The following TSC22D1 variants were observed in gnomAD, a reference collection of about 807,000 sequenced individuals.
The protein encoded by TSC22D1 is TSC22 domain family protein 1.
TSC22D1 carries 9 observed loss-of-function variants against 74.2 expected under a neutral mutation model. The observed-to-expected ratio is 0.12, with a 90% CI of 0.07 to 0.21. TSC22D1 has a LOEUF of 0.21. Ranked by LOEUF, TSC22D1 falls within the 10% of genes least tolerant of loss-of-function variation. The probability of loss-of-function intolerance (pLI) is 1.00; values close to 1 mark genes in which losing one functional copy is unlikely to be tolerated. For synonymous variants in TSC22D1, 586 were observed against 492.5 expected (o/e 1.19, Z -2.51); for missense variants, 1,427 against 1,304.7 (o/e 1.09, Z -1.44).
chr13:44,452,993 C>T (rs1247009529), intron 1 of TSC22D1, among the ~76,000 whole-genome samples: 1 of 152,174 alleles, frequency 6.6e-6, no homozygotes, highest in Non-Finnish European at 1.5e-5. Flanking sequence ...CCATGTTTCA[C>T]CTGGCTCTGA....
intron 1 of TSC22D1, among the ~76,000 whole-genome samples, chr13:44,534,820 T>C (rs766506399): frequency 4.6e-5 from 7 of 152,142 alleles, no homozygotes; most frequent in South Asian, 2.1e-4. Flanking sequence ...CAAAAGGAGA[T>C]TGTACTTTCC....
chr13:44,574,955 A>G lies in TSC22D1; in HGVS notation c.1120T>C (p.Ser374Pro). Reference sequence around the variant, plus strand: ...GGAACACTGCTAACAGCAGCAGAGGAAGAAATAGTACCATTGCCCATGCCA... The same window carrying G: ...GGAACACTGCTAACAGCAGCAGAGGGAGAAATAGTACCATTGCCCATGCCA... ...LSGMGNGTIS[S>P]SAAVSSVPNA... Residue 374 changes from serine to proline, a missense_variant, in exon 1 of 3, where the codon TCC becomes CCC. Physicochemically the swap from Ser to Pro is moderately conservative, Grantham distance 74 (BLOSUM62 -1). This residue lies in a region of TSC22D1 where 1,343 missense variants were observed against 1,191.5 expected (regional missense o/e 1.13). Coordinates refer to ENST00000458659, the MANE Select transcript of TSC22D1 (RefSeq NM_183422.4). 2 of 1,614,096 alleles carry G rather than the reference A, an allele frequency of 1.2e-6. No homozygotes were observed. Among genetic ancestry groups the G allele is most frequent in the Non-Finnish European group, 8.5e-7 (1 of 1,180,016 alleles).
intron 1 of TSC22D1, among the ~76,000 whole-genome samples, chr13:44,453,129 AAACT>A (rs1876286012): frequency 6.6e-6 from 1 of 152,222 alleles, no homozygotes; most frequent in Non-Finnish European, 1.5e-5. Context: ...TTATCTCAGC[AAACT>A]AGTTTGCCTC....
At chr13:44,446,621 T>C (rs1875663249) in intron 1 of TSC22D1, among the ~76,000 whole-genome samples, 1 of 151,980 alleles carries the variant, frequency 6.6e-6, no homozygotes, top group South Asian at 2.1e-4. Context: ...TGTGCCTGTA[T>C]GCCCTGAATC....
At chr13:44,444,798 A>T (rs907413212) in intron 1 of TSC22D1, among the ~76,000 whole-genome samples, 1 of 152,186 alleles carries the variant, frequency 6.6e-6, no homozygotes, top group Non-Finnish European at 1.5e-5. Flanking sequence ...TATTTCAATA[A>T]ATTTAACAAT....
chr13:44,515,657 C>T (rs1452058277), intron 1 of TSC22D1, among the ~76,000 whole-genome samples: 3 of 152,076 alleles, frequency 2.0e-5, no homozygotes, highest in Non-Finnish European at 2.9e-5. Flanking sequence ...AGGCTGGCCT[C>T]GAACTCCTGG....
At chr13:44,471,007 T>C (rs1877568845) in intron 1 of TSC22D1, among the ~76,000 whole-genome samples, 1 of 152,154 alleles carries the variant, frequency 6.6e-6, no homozygotes, top group Admixed American at 6.5e-5. Flanking sequence ...ATGTGAAATA[T>C]AGTTTAGTTT....
At chr13:44,525,511 C>T (rs1378198647) in intron 1 of TSC22D1, among the ~76,000 whole-genome samples, 3 of 152,124 alleles carry the variant, frequency 2.0e-5, no homozygotes, top group African/African-American at 7.2e-5. Context: ...ATCCCTTGAA[C>T]CCAGGAGTTG....
rs1337965741 is a variant in TSC22D1 at position 44,575,197 on chromosome 13, A to T, written c.878T>A (p.Met293Lys). Residue 293 changes from methionine (M) to lysine (K), a missense_variant, in exon 1 of 3, where the codon ATG (methionine) becomes AAG (lysine). Met to Lys is a moderately conservative substitution (Grantham distance 95). This residue lies in a region of TSC22D1 where 1,343 missense variants were observed against 1,191.5 expected (regional missense o/e 1.13). Transcript: ENST00000458659. ...TCCACCTGTAGTACTTGGAGCACGC[A>T]TATTAGTCATTACAGATGCAGGTGA... ...SGSPASVMTN[M>K]RAPSTTGGIG... 6.2e-7 allele frequency: 1 copy of T among 1,614,092 alleles called. No individual in the cohort carries two copies. Among genetic ancestry groups the T allele is most frequent in the South Asian group, 1.1e-5 (1 of 91,088 alleles).
At chr13:44,461,153 TA>T (rs1307241229) in intron 1 of TSC22D1, among the ~76,000 whole-genome samples, 2 of 152,248 alleles carry the variant, frequency 1.3e-5, no homozygotes, top group Non-Finnish European at 2.9e-5. Context: ...TCTTGCTTAA[TA>T]TTCAACTCAC....
intron 1 of TSC22D1, chr13:44,474,144 G>T: frequency 2.8e-6 from 2 of 713,184 alleles, no homozygotes; most frequent in Non-Finnish European, 3.4e-6. Context: ...TGCTTTTCAA[G>T]GTACTAGGCA....
intron 1 of TSC22D1, among the ~76,000 whole-genome samples, chr13:44,530,450 C>G (rs1322688192): frequency 6.6e-6 from 1 of 150,430 alleles, no homozygotes; most frequent in Admixed American, 6.6e-5. Flanking sequence ...AAAAAAAAAT[C>G]TGTAGGATAT....
At chr13:44,474,584 G>A (rs945519670) in intron 1 of TSC22D1, among the ~76,000 whole-genome samples, 2 of 152,314 alleles carry the variant, frequency 1.3e-5, no homozygotes, top group South Asian at 2.1e-4. Context: ...GGAAAATCTA[G>A]TGAGGGTTTT....
Position 44,433,982 on chromosome 13 carries a change from C to G in TSC22D1, c.*644G>C, listed in dbSNP as rs1262384738. 1 of 1,534,336 alleles carries G rather than the reference C, an allele frequency of 6.5e-7. No individual in the cohort carries two copies. The highest frequency in any genetic ancestry group is 8.7e-7 in the Non-Finnish European group (1 of 1,146,508). ...TAGTTACACTACATACACAAATATA[C>G]AATAAGCAAAACAACCTTCATGGTA... On this transcript the variant is annotated 3_prime_UTR_variant, in exon 3 of 3. Coordinates refer to ENST00000458659, the MANE Select transcript of TSC22D1 (RefSeq NM_183422.4).
At chr13:44,456,193 G>C (rs892677646) in intron 1 of TSC22D1, among the ~76,000 whole-genome samples, 3 of 152,214 alleles carry the variant, frequency 2.0e-5, no homozygotes, top group Admixed American at 2.0e-4. Context: ...GTGAGCAGCA[G>C]CAAGATTTAT....
rs745495652 is a variant in TSC22D1 at position 44,551,386 on chromosome 13, A to ATGGG, written c.2912+21773_2912+21776dup. Among the ~76,000 whole-genome samples the ATGGG allele has an allele frequency of 1.6e-3, 151 of 93,982 alleles. 2 individuals carry two copies. The highest frequency in any genetic ancestry group is 8.5e-3 in the East Asian group (31 of 3,644). 61.7% of individuals were successfully genotyped at this position (93,982 alleles called of 152,430 possible). ...AACAAAAACCCAAAACCCCAATCAG[A>ATGGG]TGGGTGTGTGTGTGTGTGTGTGTGT... On this transcript the variant is annotated intron_variant, in intron 1 of 2. Coordinates refer to ENST00000458659, the MANE Select transcript of TSC22D1 (RefSeq NM_183422.4).
Position 44,434,664 on chromosome 13 carries a change from C to T in TSC22D1, c.3184G>A (p.Ala1062Thr), listed in dbSNP as rs773802387. ...TQPQGTTQPP[A>T]QPASQGSGPT... Reference sequence around the variant, plus strand: ...CCTGAGCCCTGCGATGCTGGCTGGGCGGGGGGCTGTGTGGTGCCCTGTGGC... The same window carrying T: ...CCTGAGCCCTGCGATGCTGGCTGGGTGGGGGGCTGTGTGGTGCCCTGTGGC... Residue 1062 changes from alanine (A) to threonine (T), a missense_variant, in exon 3 of 3, where the codon GCC becomes ACC. Ala to Thr is a moderately conservative substitution (Grantham distance 58). Coordinates refer to ENST00000458659, the MANE Select transcript of TSC22D1 (RefSeq NM_183422.4). 9 of 1,593,856 alleles carry T rather than the reference C, an allele frequency of 5.6e-6. No homozygotes were observed. In the African/African-American group the frequency reaches 9.4e-5, roughly 17 times the overall value.
intron 1 of TSC22D1, among the ~76,000 whole-genome samples, chr13:44,541,343 G>A (rs1190317883): frequency 6.6e-6 from 1 of 152,146 alleles, no homozygotes; most frequent in Non-Finnish European, 1.5e-5. Flanking sequence ...TAACCCTTCT[G>A]CACAGGGACA....
At chr13:44,558,557 T>G (rs557899333) in intron 1 of TSC22D1, among the ~76,000 whole-genome samples, 1 of 152,120 alleles carries the variant, frequency 6.6e-6, no homozygotes, top group South Asian at 2.1e-4. Context: ...CTGGCCAAGA[T>G]GACGAAACCC....
Sources: gnomAD v4.1 joint callset for allele counts (sites outside exome capture counted in the v4.1 genomes callset) on GRCh38, gnomAD v4.1.1 for gene constraint, gnomAD v4.1.1 regional missense constraint, MANE v1.5 for transcripts, NCBI Gene and HGNC (gene_info 2026-07-23, HGNC 2026-07-21) for gene names.